COX20: variants seen among roughly 807,000 people sequenced by gnomAD.
The protein encoded by COX20 is cytochrome c oxidase assembly factor COX20, also known as cytochrome c oxidase assembly protein COX20, mitochondrial.
Under a neutral mutation model 14.3 loss-of-function variants are expected in COX20, and 14 were observed. The observed-to-expected ratio is 0.98, with a 90% confidence interval of 0.65 to 1.53. The LOEUF (loss-of-function observed/expected upper bound fraction) is 1.53, where lower values mean the gene tolerates loss of function less well. COX20 is among the 40% of genes most tolerant of loss of function. COX20 has a pLI of 0.00. For synonymous variants in COX20, 56 were observed against 51.7 expected, an observed-to-expected ratio of 1.08 and a Z score of -0.36; for missense variants, 149 against 142.1, an observed-to-expected ratio of 1.05 and a Z score of -0.25.
upstream of COX20, chr1:244,835,539 G>GC (rs1679935985): frequency 2.4e-6 from 1 of 408,982 alleles, no homozygotes; most frequent in Non-Finnish European, 4.2e-6. Flanking sequence ...TGACAGCCCG[G>GC]CCCCGTGCGG....
intron 1 of COX20, among the ~76,000 whole-genome samples, chr1:244,837,550 A>T (rs1233484160): frequency 6.6e-6 from 1 of 152,238 alleles, no homozygotes; most frequent in Non-Finnish European, 1.5e-5. Context: ...TAAAATGTGA[A>T]ATTTGGTACA....
chr1:244,836,115 A>C (rs1416812609), intron 1 of COX20, among the ~76,000 whole-genome samples: 3 of 152,246 alleles, frequency 2.0e-5, no homozygotes, highest in Non-Finnish European at 4.4e-5. Flanking sequence ...CGTTGAGGAC[A>C]GGTGCCTTGT....
chr1:244,838,252 G>A (rs1203773009), intron 1 of COX20, among the ~76,000 whole-genome samples: 4 of 152,154 alleles, frequency 2.6e-5, no homozygotes, highest in African/African-American at 9.7e-5. Context: ...AAGGTTTGGA[G>A]GTGAAAATAT....
rs1321931308 is a variant in COX20, at chr1:244,843,267, A to AAC, written c.*92_*93insCA. On this transcript the variant is annotated 3_prime_UTR_variant, in exon 4 of 4. Coordinates refer to ENST00000411948, the MANE Select transcript of COX20 (RefSeq NM_198076.6). ...CAATAAGCTCTCAATCAAGTAAATA[A>AAC]AGTTTAAGTTGTAGTCATTTTTTTC... is the stretch of plus-strand genomic sequence containing the variant. 1 of 1,410,194 alleles carries AAC rather than the reference A, an allele frequency of 7.1e-7. No individual in the cohort carries two copies. The highest frequency in any genetic ancestry group is 2.6e-5 in the East Asian group (1 of 38,536). 87.4% of individuals were successfully genotyped at this position (1,410,194 alleles called of 1,614,324 possible).
upstream of COX20, chr1:244,835,383 G>A: frequency 7.0e-6 from 2 of 286,554 alleles, no homozygotes; most frequent in East Asian, 5.7e-5. Context: ...GGGAAGCGGG[G>A]CTGTCTGGCT....
At chr1:244,835,655 C>T (rs1042612791), upstream of COX20, 3 of 1,212,190 alleles carry the variant, frequency 2.5e-6, no homozygotes, top group Admixed American at 4.2e-5. Context: ...CGCGGCCAGC[C>T]GGGCTTCTGC....
intron 1 of COX20, among the ~76,000 whole-genome samples, chr1:244,837,785 C>T (rs1386070120): frequency 6.6e-6 from 1 of 152,172 alleles, no homozygotes; most frequent in African/African-American, 2.4e-5. Flanking sequence ...TCGGTAATAA[C>T]CATCTCGGCT....
In COX20 at chr1:244,844,421, A is replaced by G. The variant is rs780129762; in HGVS notation, c.*1245A>G. The G allele has an allele frequency of 6.6e-6, 1 of 152,230 alleles. No individual in the cohort carries two copies. Among genetic ancestry groups the G allele is most frequent in the Non-Finnish European group, 1.5e-5 (1 of 68,044 alleles). The allele number at this position is 152,230 out of a possible 1,614,324, so 9.4% of individuals were successfully genotyped here. ...TGCCCACTCTTAGTGGCACAAATCA[A>G]AGCTGCATGCACTACATTATCCAAA... On this transcript the variant is annotated 3_prime_UTR_variant, in exon 4 of 4. Transcript: ENST00000411948.
intron 1 of COX20, among the ~76,000 whole-genome samples, chr1:244,837,819 A>C (rs988314622): frequency 1.3e-5 from 2 of 152,220 alleles, no homozygotes; most frequent in Non-Finnish European, 2.9e-5. Flanking sequence ...AGGCCACTGT[A>C]CCTGGACTAG....
chr1:244,843,056 T>C lies in COX20; in HGVS notation c.237T>C (p.Tyr79=). 1.9e-6 allele frequency: 3 copies of C among 1,576,212 alleles called. No homozygotes were observed. Among genetic ancestry groups the C allele is most frequent in the Non-Finnish European group, 2.6e-6 (3 of 1,163,306 alleles). ...VTLGCWFHCR[Y]NYAKQRIQER... is the part of the protein sequence containing the mutation. Reference sequence around the variant, plus strand: ...TTCTTCTAAGGTTTCATTGTAGGTATAATTATGCAAAGCAAAGAATCCAGG... The same window carrying C: ...TTCTTCTAAGGTTTCATTGTAGGTACAATTATGCAAAGCAAAGAATCCAGG... Residue 79 remains tyrosine, a synonymous_variant, in exon 4 of 4, where the codon TAT becomes TAC. Coordinates refer to ENST00000411948, the MANE Select transcript of COX20 (RefSeq NM_198076.6).
At chr1:244,835,831 C>T in intron 1 of COX20, 75 bp downstream of exon 1, 7 of 1,092,522 alleles carry the variant, frequency 6.4e-6, no homozygotes, top group Middle Eastern at 2.3e-4. Context: ...GCTCCTAGGC[C>T]CGGAGCACGT....
chr1:244,839,425 A>T (rs1379650622), intron 1 of COX20, among the ~76,000 whole-genome samples: 2 of 152,204 alleles, frequency 1.3e-5, no homozygotes, highest in Non-Finnish European at 2.9e-5. Flanking sequence ...AGCTTAAAAA[A>T]TGTCTGACAT....
chr1:244,835,744 C>A lies in COX20; in HGVS notation c.30C>A (p.Pro10=). The A allele has an allele frequency of 7.9e-7, 1 of 1,271,150 alleles. No individual in the cohort carries two copies. 78.7% of individuals were successfully genotyped at this position (1,271,150 alleles called of 1,614,324 possible). Residue 10 remains proline (P), a synonymous_variant, in exon 1 of 4, where the codon CCC becomes CCA. Coordinates refer to ENST00000411948, the MANE Select transcript of COX20 (RefSeq NM_198076.6). ...CCGCCCCGCCGGAGCCCGGTGAGCC[C>A]GAGGAGAGGAAGGTAACCTGGGGGT... MAAPPEPGE[P]EERKSLKLLG... is the part of the protein sequence containing the mutation.
At chr1:244,835,603 AGGGCGGGAGGCGGCGGCGCGTGG>A, upstream of COX20, 2 of 784,246 alleles carry the variant, frequency 2.6e-6, no homozygotes, top group Middle Eastern at 4.3e-4. Flanking sequence ...GCGTCGGAAC[AGGGCGGGAGGCGGCGGCGCGTGG>A]GGGCGGGACG....
chr1:244,842,935 GGTA>G lies in COX20; in HGVS notation c.222-100_222-98del, dbSNP rs1424580860. 13 of 853,054 alleles carry G rather than the reference GGTA, an allele frequency of 1.5e-5. No homozygotes were observed. The African/African-American group carries it at 2.4e-4, about 16-fold the overall frequency. The allele number at this position is 853,054 out of a possible 1,614,324, so 52.8% of individuals were successfully genotyped here. ...ATTAGAACATATTTTTCAGTCTCAG[GGTA>G]GTAGTCATCTGTATTTAAGTTTTGT... On this transcript the variant is annotated intron_variant, in intron 3 of 3. Coordinates refer to ENST00000411948, the MANE Select transcript of COX20 (RefSeq NM_198076.6).
intron 1 of COX20, among the ~76,000 whole-genome samples, chr1:244,838,473 G>A (rs1440735728): frequency 6.6e-6 from 1 of 152,224 alleles, no homozygotes. Flanking sequence ...CAGGTCTGTA[G>A]AGGAGGGAAC....
chr1:244,845,047 T>C lies in COX20; in HGVS notation c.*1871T>C, dbSNP rs1485994608. On this transcript the variant is annotated 3_prime_UTR_variant, in exon 4 of 4. Transcript: ENST00000411948. ...AATGTCTAATACAAAATAAATGCTA[T>C]GTAAATGTAATTATTATACTGTGTA... 3.0e-5 allele frequency: 5 copies of C among 166,530 alleles called. No homozygotes were observed. Among genetic ancestry groups the C allele is most frequent in the African/African-American group, 1.2e-4 (5 of 41,414 alleles). 10.3% of individuals were successfully genotyped at this position (166,530 alleles called of 1,614,324 possible).
intron 1 of COX20, chr1:244,836,611 GA>G: frequency 2.6e-6 from 3 of 1,173,706 alleles, no homozygotes; most frequent in Non-Finnish European, 3.7e-6. Context: ...CAGGTATTCA[GA>G]AAAGAATAAT....
chr1:244,839,352 A>C (rs1680103533), intron 1 of COX20, among the ~76,000 whole-genome samples: 1 of 152,126 alleles, frequency 6.6e-6, no homozygotes, highest in African/African-American at 2.4e-5. Context: ...TCTGGCTTGG[A>C]AATCTCTTGA....
Sources: allele counts gnomAD v4.1 joint callset (sites outside exome capture counted in the v4.1 genomes callset), GRCh38; gene constraint gnomAD v4.1.1; transcripts MANE v1.5; gene names NCBI Gene and HGNC (gene_info 2026-07-23, HGNC 2026-07-21).